Variants in SMC6 observed in about 807,000 individuals in gnomAD.
The protein encoded by SMC6 is structural maintenance of chromosomes protein 6.
In SMC6, 79 loss-of-function variants were observed where a neutral mutation model predicts 142.2. The ratio of observed to expected loss-of-function variants is 0.56; its 90% CI spans 0.46 to 0.67. SMC6 has a LOEUF of 0.67. Among genes scored for constraint, SMC6 ranks in the 30% least tolerant of loss-of-function variants. SMC6 has a pLI of 0.00. For missense variants in SMC6, 1,072 were observed against 1,284.0 expected, an observed-to-expected ratio of 0.83 and a Z score of 2.52; for synonymous variants, 411 against 412.4, an observed-to-expected ratio of 1.00 and a Z score of 0.04.
intron 9 of SMC6, among the ~76,000 whole-genome samples, chr2:17,723,686 C>T (rs1669482548): frequency 6.6e-6 from 1 of 152,164 alleles, no homozygotes; most frequent in Non-Finnish European, 1.5e-5. Context: ...CCTCACGATA[C>T]TCAAATTATT....
At chr2:17,736,702 G>A (rs897977241) in intron 5 of SMC6, among the ~76,000 whole-genome samples, 9 of 146,730 alleles carry the variant, frequency 6.1e-5, no homozygotes, top group South Asian at 2.1e-4. Context: ...AGGCCCCTTC[G>A]CTACTAAAAA....
chr2:17,729,096 AG>A (rs1669778667), intron 7 of SMC6, among the ~76,000 whole-genome samples: 1 of 152,206 alleles, frequency 6.6e-6, no homozygotes, highest in African/African-American at 2.4e-5. Context: ...AAAAATATAG[AG>A]AAATAGGTGA....
At chr2:17,742,474 G>T (rs745744026) in intron 3 of SMC6, among the ~76,000 whole-genome samples, 4 of 152,106 alleles carry the variant, frequency 2.6e-5, no homozygotes, top group Non-Finnish European at 4.4e-5. Flanking sequence ...GTTAGATAAG[G>T]TTTACAAATG....
chr2:17,678,001 C>G (rs1034223641), intron 25 of SMC6, among the ~76,000 whole-genome samples: 4 of 152,046 alleles, frequency 2.6e-5, no homozygotes, highest in Non-Finnish European at 5.9e-5. Flanking sequence ...TTCCTGACCT[C>G]CTGGCTACAC....
intron 18 of SMC6, among the ~76,000 whole-genome samples, chr2:17,703,544 G>T (rs1257702441): frequency 6.6e-6 from 1 of 151,746 alleles, no homozygotes; most frequent in Non-Finnish European, 1.5e-5. Context: ...GAACAATGCA[G>T]GGTTTGAAAT....
chr2:17,671,930 T>C (rs1032739817), intron 25 of SMC6, among the ~76,000 whole-genome samples: 1 of 152,066 alleles, frequency 6.6e-6, no homozygotes, highest in Non-Finnish European at 1.5e-5. Flanking sequence ...AGCAGACATA[T>C]AGCTTCCAAT....
intron 23 of SMC6, among the ~76,000 whole-genome samples, chr2:17,686,497 A>T (rs1321593058): frequency 6.6e-6 from 1 of 152,110 alleles, no homozygotes; most frequent in African/African-American, 2.4e-5. Context: ...GCAAGGCAAA[A>T]ATCTGAAATT....
chr2:17,706,128 T>C (rs1401108354), intron 18 of SMC6, among the ~76,000 whole-genome samples: 1 of 152,162 alleles, frequency 6.6e-6, no homozygotes, highest in Admixed American at 6.6e-5. Context: ...GTATTTGTTG[T>C]TTGAAAGAAC....
chr2:17,707,310 C>T lies in SMC6; in HGVS notation c.1915G>A (p.Ala639Thr). 6.2e-7 allele frequency: 1 copy of T among 1,603,008 alleles called. No individual in the cohort carries two copies. The highest frequency in any genetic ancestry group is 8.5e-7 in the Non-Finnish European group (1 of 1,175,074). ...CCTGCAAAAACTTGATCACCATCAG[C>T]AGTAAAAGCTTCTCTACAATTTTTG... ...PPKNCREAFT[A>T]DGDQVFAGRY... is the part of the protein sequence containing the mutation. The change falls in exon 18 of 28, where the codon GCT (alanine) becomes ACT (threonine). Residue 639 changes from alanine to threonine, a missense_variant. Physicochemically the swap from Ala to Thr is moderately conservative, Grantham distance 58. Around this residue, in one of 3 missense-constraint regions of SMC6, gnomAD observed 994 missense variants for 1,153.2 expected, o/e 0.86. Transcript: ENST00000448223.
intron 9 of SMC6, among the ~76,000 whole-genome samples, chr2:17,722,408 T>C (rs1176479319): frequency 1.3e-5 from 2 of 152,196 alleles, no homozygotes; most frequent in African/African-American, 4.8e-5. Context: ...GTTTCCACTT[T>C]ACCCTCTTCA....
At position 17,703,185 on chromosome 2, in the gene SMC6, C is replaced by T; in HGVS notation, c.2114G>A (p.Arg705Lys). The T allele has an allele frequency of 6.6e-7, 1 of 1,509,438 alleles. No homozygotes were observed. The highest frequency in any genetic ancestry group is 1.2e-5 in the South Asian group (1 of 83,726). 93.5% of individuals were successfully genotyped at this position (1,509,438 alleles called of 1,614,324 possible). A position where few individuals can be genotyped will look rare whatever the true frequency, so the allele number is the denominator to read the frequency against. Residue 705 changes from arginine (R) to lysine (K), a missense_variant, in exon 19 of 28, where the codon AGG (arginine) becomes AAG (lysine). By Grantham distance (26) the Arg-to-Lys change is conservative (BLOSUM62 2). Transcript: ENST00000448223. ...DIKHNEELLK[R>K]CQLHYKELKM... ...TAGTTCTTTATAATGTAGTTGGCAC[C>T]TTTTAAGAAGTTCCTCATTGTGTTT...
At chr2:17,705,820 T>C (rs1288580303) in intron 18 of SMC6, among the ~76,000 whole-genome samples, 1 of 152,176 alleles carries the variant, frequency 6.6e-6, no homozygotes. Flanking sequence ...AGTTTTTACA[T>C]AGAGAACATG....
Position 17,674,927 on chromosome 2 carries a change from G to C in SMC6, c.2910+3932C>G, listed in dbSNP as rs921491165. Among the ~76,000 whole-genome samples, 14 of 151,940 alleles carry C rather than the reference G, an allele frequency of 9.2e-5. 1 individual carries two copies. The highest frequency in any genetic ancestry group is 3.4e-4 in the African/African-American group (14 of 41,390). ...TATGTTAATATTTAAGGTGTATTTT[G>C]ATAAACAGCATACAGTTAGTTTTTG... On this transcript the variant is annotated intron_variant, in intron 25 of 27. Coordinates refer to ENST00000448223, the MANE Select transcript of SMC6 (RefSeq NM_001142286.2).
intron 7 of SMC6, among the ~76,000 whole-genome samples, chr2:17,730,380 A>T (rs1237532435): frequency 6.6e-6 from 1 of 151,096 alleles, no homozygotes; most frequent in African/African-American, 2.5e-5. Context: ...GCAACTTTAG[A>T]AACTAAACAC....
In SMC6 at chr2:17,703,277, C is replaced by G; in HGVS notation, c.2022G>C (p.Glu674Asp). The stretch of plus-strand genomic sequence containing the variant: ...ATATCTGGGCCGTCTTATTTTCAAC[C>G]TCATTCTCCAAGTCACTTGATAGGA... ...VDSEISDLENEVENKTAQILN... is the reference protein window; with the variant it reads ...VDSEISDLENDVENKTAQILN... Residue 674 changes from glutamate (E) to aspartate (D), a missense_variant, in exon 19 of 28, where the codon GAG (glutamate) becomes GAC (aspartate). By Grantham distance (45) the Glu-to-Asp change is conservative. Around this residue, in one of 3 missense-constraint regions of SMC6, gnomAD observed 994 missense variants for 1,153.2 expected, o/e 0.86. Transcript: ENST00000448223. 5 of 1,600,382 alleles carry G rather than the reference C, an allele frequency of 3.1e-6. No individual in the cohort carries two copies. Among genetic ancestry groups the G allele is most frequent in the Non-Finnish European group, 4.3e-6 (5 of 1,175,368 alleles).
chr2:17,676,880 T>C (rs1667014738), intron 25 of SMC6, among the ~76,000 whole-genome samples: 1 of 152,190 alleles, frequency 6.6e-6, no homozygotes, highest in South Asian at 2.1e-4. Context: ...TAATTAATTT[T>C]TGCATACTGA....
chr2:17,683,879 G>A, intron 23 of SMC6, 116 bp from the exon 24 acceptor site: 4 of 868,682 alleles, frequency 4.6e-6, no homozygotes, highest in Non-Finnish European at 7.4e-6. Context: ...TACTAAGGGG[G>A]CCTAGTAGCA....
intron 18 of SMC6, among the ~76,000 whole-genome samples, chr2:17,705,530 T>G (rs1384163711): frequency 6.6e-6 from 1 of 152,048 alleles, no homozygotes; most frequent in Non-Finnish European, 1.5e-5. Context: ...ATCCTGCCAC[T>G]GCACTCTAGC....
intron 3 of SMC6, among the ~76,000 whole-genome samples, chr2:17,743,985 G>GAC (rs1388969480): frequency 1.5e-4 from 23 of 152,152 alleles, no homozygotes; most frequent in African/African-American, 5.6e-4. Flanking sequence ...TCTACTGAAG[G>GAC]ACATTTTGGT....
Sources: gnomAD v4.1 joint callset for allele counts (sites outside exome capture counted in the v4.1 genomes callset) on GRCh38, gnomAD v4.1.1 for gene constraint, gnomAD v4.1.1 regional missense constraint, MANE v1.5 for transcripts, NCBI Gene and HGNC (gene_info 2026-07-23, HGNC 2026-07-21) for gene names.